CFLAR: variants seen among roughly 807,000 people sequenced by gnomAD.
The protein encoded by CFLAR is CASP8 and FADD-like apoptosis regulator.
A neutral mutation model predicts 51.1 loss-of-function variants in CFLAR; 14 were observed. That is an observed-to-expected ratio of 0.27 (90% confidence interval 0.18 to 0.43). The LOEUF (loss-of-function observed/expected upper bound fraction) is 0.43. CFLAR is among the 20% of genes least tolerant of loss of function. CFLAR has a pLI of 1.00. For missense variants in CFLAR, 390 were observed against 566.5 expected, an observed-to-expected ratio of 0.69 and a Z score of 3.16; for synonymous variants, 210 against 211.6, an observed-to-expected ratio of 0.99 and a Z score of 0.06.
chr2:201,159,921 A>C (rs1338561298), intron 8 of CFLAR, among the ~76,000 whole-genome samples: 1 of 151,890 alleles, frequency 6.6e-6, no homozygotes, highest in Non-Finnish European at 1.5e-5. Flanking sequence ...CTTGATTGGG[A>C]TTGGAGGCTC....
At chr2:201,119,233 T>C (rs535387430) in intron 1 of CFLAR, 2 of 152,350 alleles carry the variant, frequency 1.3e-5, no homozygotes, top group Admixed American at 1.3e-4. Context: ...TTTATTGAGC[T>C]TCTCTGGGCC....
Position 201,133,141 on chromosome 2 carries a change from T to C in CFLAR, c.387+7T>C. On this transcript the variant is annotated splice_region_variant and intron_variant, in intron 3 of 9. Transcript: ENST00000309955. ...CAAGATAAGCAAGGAGAAGGTGAGT[T>C]TTCTTCTTTTGGTTCATGGCCCCAG... 6.2e-7 allele frequency: 1 copy of C among 1,605,784 alleles called. No individual in the cohort carries two copies. Among genetic ancestry groups the C allele is most frequent in the South Asian group, 1.1e-5 (1 of 90,860 alleles).
In CFLAR at chr2:201,152,558, A is replaced by C. The variant is rs568786163; in HGVS notation, c.793+2723A>C. On this transcript the variant is annotated intron_variant, in intron 8 of 9. Transcript: ENST00000309955. ...CCATAAACCACCTAAGCAAGAGCTC[A>C]CCATGGCTTTGCACTTGGTACATAG... is the stretch of plus-strand genomic sequence containing the variant. Among the ~76,000 whole-genome samples, 5 of 152,316 alleles carry C rather than the reference A, an allele frequency of 3.3e-5. No individual in the cohort carries two copies. In the East Asian group the frequency reaches 9.7e-4, roughly 29 times the overall value.
At chr2:201,130,925 T>G (rs928316233) in intron 2 of CFLAR, among the ~76,000 whole-genome samples, 24 of 152,316 alleles carry the variant, frequency 1.6e-4, no homozygotes, top group African/African-American at 5.5e-4. Context: ...TTGTAGAGAC[T>G]CCATCATCCC....
At chr2:201,117,555 A>G (rs576962875) in intron 1 of CFLAR, among the ~76,000 whole-genome samples, 143 of 152,342 alleles carry the variant, frequency 9.4e-4, no homozygotes, top group African/African-American at 3.2e-3. Flanking sequence ...AGCGTATAGC[A>G]TAAGTAAAGC....
chr2:201,131,510 A>T (rs1333969262), intron 2 of CFLAR, among the ~76,000 whole-genome samples: 1 of 152,210 alleles, frequency 6.6e-6, no homozygotes, highest in Non-Finnish European at 1.5e-5. Context: ...TGCTGGGATT[A>T]TAGGTGTGAG....
In CFLAR at chr2:201,160,436, T is replaced by G. The variant is rs150814097; in HGVS notation, c.798T>G (p.Leu266=). 2.5e-4 allele frequency: 410 copies of G among 1,611,030 alleles called. 1 individual carries two copies. The highest frequency in any genetic ancestry group is 5.0e-4 in the Admixed American group (30 of 59,892). ...IIDCIGNETE[L]LRDTFTSLGY... ...TTTGTTTTTTGTTTTCCCCAGAGCT[T>G]CTTCGAGACACCTTCACTTCCCTGG... Residue 266 remains leucine (L), a synonymous_variant, in exon 9 of 10, where the codon CTT becomes CTG. Coordinates refer to ENST00000309955, the MANE Select transcript of CFLAR (RefSeq NM_003879.7).
intron 8 of CFLAR, among the ~76,000 whole-genome samples, chr2:201,156,339 C>G (rs1942174352): frequency 6.6e-6 from 1 of 152,242 alleles, no homozygotes; most frequent in African/African-American, 2.4e-5. Context: ...ATTTCCCAAA[C>G]ACGTTTGACC....
chr2:201,161,738 CTTTTTTTT>C (rs3044256), intron 9 of CFLAR, among the ~76,000 whole-genome samples: 11 of 101,268 alleles, frequency 1.1e-4, no homozygotes, highest in Admixed American at 4.7e-4. Context: ...TTTAATTTTT[CTTTTTTTT>C]TTTTTTTTTT....
In CFLAR at chr2:201,173,434, C is replaced by G. The variant is rs1944112552; in HGVS notation, c.*9461C>G. 6.6e-6 allele frequency: 1 copy of G among 152,292 alleles called. No homozygotes were observed. The highest frequency in any genetic ancestry group is 2.4e-5 in the African/African-American group (1 of 41,454). 9.4% of individuals were successfully genotyped at this position (152,292 alleles called of 1,614,324 possible). A position where few individuals can be genotyped will look rare whatever the true frequency, so the allele number is the denominator to read the frequency against. ...GTGTTAGCCAGGATGGTCTCTATCT[C>G]CTGACCTCGTGATCCGCCTGCCTTG... On this transcript the variant is annotated 3_prime_UTR_variant, in exon 10 of 10. Coordinates refer to ENST00000309955, the MANE Select transcript of CFLAR (RefSeq NM_003879.7).
At position 201,176,284 on chromosome 2, in the gene CFLAR, G is replaced by GA. The variant is rs1172810429; in HGVS notation, c.*12311_*12312insA. 30 of 126,660 alleles carry GA rather than the reference G, an allele frequency of 2.4e-4. 2 individuals are homozygous for GA. The highest frequency in any genetic ancestry group is 8.1e-4 in the African/African-American group (26 of 32,096). The allele number at this position is 126,660 out of a possible 1,614,324, so 7.8% of individuals were successfully genotyped here. On this transcript the variant is annotated 3_prime_UTR_variant, in exon 10 of 10. Transcript: ENST00000309955. ...TCTCAGGTGTTTTCTATTGCGGGGG[G>GA]GGGGGGCGGGCGGGGGAGCTGCCTG...
At position 201,124,407 on chromosome 2, in the gene CFLAR, C is replaced by T. The variant is rs1196748313; in HGVS notation, c.-137-5322C>T. Reference sequence around the variant, plus strand: ...GGAGTGCAGTGGCGCAATCTTAGCTCACTGGCAACCTCCACCTCCCAGGCT... The same window carrying T: ...GGAGTGCAGTGGCGCAATCTTAGCTTACTGGCAACCTCCACCTCCCAGGCT... On this transcript the variant is annotated intron_variant, in intron 1 of 9. Coordinates refer to ENST00000309955, the MANE Select transcript of CFLAR (RefSeq NM_003879.7). This position sits in a 1 kb window ranked among gnomAD's most constrained non-coding sequence, Gnocchi z 4.7. Among the ~76,000 whole-genome samples the T allele has an allele frequency of 6.6e-6, 1 of 152,188 alleles. No individual in the cohort carries two copies. The highest frequency in any genetic ancestry group is 2.4e-5 in the African/African-American group (1 of 41,442).
At chr2:201,149,116 T>TA in intron 7 of CFLAR, 64 bp downstream of exon 7, 1 of 1,041,070 alleles carries the variant, frequency 9.6e-7, no homozygotes. Flanking sequence ...CTGACTTCTT[T>TA]AAAAATACCT....
In CFLAR at chr2:201,160,559, C is replaced by G; in HGVS notation, c.921C>G (p.Ser307Arg). Reference sequence around the variant, plus strand: ...TGCCCGAGCACCGAGACTACGACAGCTTTGTGTGTGTCCTGGTGAGCCGAG... The same window carrying G: ...TGCCCGAGCACCGAGACTACGACAGGTTTGTGTGTGTCCTGGTGAGCCGAG... ...ACMPEHRDYD[S>R]FVCVLVSRGG... Residue 307 changes from serine to arginine, a missense_variant, in exon 9 of 10, where the codon AGC becomes AGG. By Grantham distance (110) the Ser-to-Arg change is moderately radical (BLOSUM62 -1). This residue lies in a region of CFLAR where 287 missense variants were observed against 363.6 expected (regional missense o/e 0.79). Transcript: ENST00000309955. The G allele has an allele frequency of 6.2e-7, 1 of 1,614,020 alleles. No homozygotes were observed. Among genetic ancestry groups the G allele is most frequent in the African/African-American group, 1.3e-5 (1 of 74,982 alleles).
rs2050439115 is a variant in CFLAR, at chr2:201,138,397, A to G, written c.524-1960A>G. 7.7e-6 allele frequency: 6 copies of G among 780,944 alleles called. No individual in the cohort carries two copies. The highest frequency in any genetic ancestry group is 5.4e-5 in the South Asian group (4 of 74,384). The allele number at this position is 780,944 out of a possible 1,614,324, so 48.4% of individuals were successfully genotyped here. A position where few individuals can be genotyped will look rare whatever the true frequency, so the allele number is the denominator to read the frequency against. On this transcript the variant is annotated intron_variant, in intron 4 of 9. Transcript: ENST00000309955. The surrounding 1 kb of genome is among the most constrained non-coding windows in gnomAD (Gnocchi z 4.0). ...GGTTCTTCAGCGCGGTGCAGGTGAT[A>G]ATGGCCACCAGCTCATCGCGATCAT...
In CFLAR at chr2:201,124,721, T is replaced by A. The variant is rs1463665000; in HGVS notation, c.-137-5008T>A. Among the ~76,000 whole-genome samples the A allele has an allele frequency of 1.3e-5, 2 of 152,054 alleles. No individual in the cohort carries two copies. Among genetic ancestry groups the A allele is most frequent in the African/African-American group, 4.8e-5 (2 of 41,386 alleles). ...TCTAAAGCAGGGGGAACAGAATGGC[T>A]AGGGGAATGAGTTTGGATGAGAGAC... On this transcript the variant is annotated intron_variant, in intron 1 of 9. Transcript: ENST00000309955. The surrounding 1 kb of genome is among the most constrained non-coding windows in gnomAD (Gnocchi z 4.7).
In CFLAR at chr2:201,171,414, A is replaced by G. The variant is rs1358912048; in HGVS notation, c.*7441A>G. On this transcript the variant is annotated 3_prime_UTR_variant, in exon 10 of 10. Coordinates refer to ENST00000309955, the MANE Select transcript of CFLAR (RefSeq NM_003879.7). ...CTAACAGAGGAGCAGGAAACCAAAC[A>G]CCACATGTTCTCACTTGTAAGCGGA... is the stretch of plus-strand genomic sequence containing the variant. The G allele has an allele frequency of 6.6e-6, 1 of 152,118 alleles. No individual in the cohort carries two copies. Among genetic ancestry groups the G allele is most frequent in the Non-Finnish European group, 1.5e-5 (1 of 68,020 alleles). 9.4% of individuals were successfully genotyped at this position (152,118 alleles called of 1,614,324 possible).
At chr2:201,141,526 C>CTGTATGTATGTA (rs1168769439) in intron 5 of CFLAR, 1 of 1,393,814 alleles carries the variant, frequency 7.2e-7, no homozygotes, top group African/African-American at 1.5e-5. Context: ...TTTCTTGTTG[C>CTGTATGTATGTA]TGTATGTTTA....
intron 8 of CFLAR, among the ~76,000 whole-genome samples, chr2:201,152,191 C>A (rs1174093496): frequency 6.6e-6 from 1 of 152,122 alleles, no homozygotes; most frequent in Non-Finnish European, 1.5e-5. Context: ...GACGGGGTTT[C>A]ACCATGTTGG....
Sources: allele counts gnomAD v4.1 joint callset (sites outside exome capture counted in the v4.1 genomes callset), GRCh38; gene constraint gnomAD v4.1.1; regional missense constraint gnomAD v4.1.1; non-coding constraint Gnocchi (gnomAD v3.1); transcripts MANE v1.5; gene names NCBI Gene and HGNC (gene_info 2026-07-23, HGNC 2026-07-21).